The following SNAPC1 variants were observed in gnomAD, a reference collection of about 807,000 sequenced individuals.
The protein encoded by SNAPC1 is small nuclear RNA activating complex polypeptide 1, also known as snRNA-activating protein complex subunit 1.
In SNAPC1, 42 loss-of-function variants were observed where a neutral mutation model predicts 50.1. The observed-to-expected ratio is 0.84, with a 90% CI of 0.65 to 1.08. The LOEUF is 1.08. SNAPC1 is among the 50% of genes least tolerant of loss of function. SNAPC1 has a pLI of 0.00. For synonymous variants in SNAPC1, 164 were observed against 144.2 expected, an observed-to-expected ratio of 1.14 and a Z score of -0.98; for missense variants, 477 against 427.3, an observed-to-expected ratio of 1.12 and a Z score of -1.02.
intron 9 of SNAPC1, among the ~76,000 whole-genome samples, chr14:61,794,392 T>A (rs1416774840): frequency 6.6e-6 from 1 of 152,076 alleles, no homozygotes; most frequent in African/African-American, 2.4e-5. Flanking sequence ...TTTTTTGTTG[T>A]TATGTGTTTT....
chr14:61,775,394 T>C (rs1367518973), intron 4 of SNAPC1, among the ~76,000 whole-genome samples: 1 of 152,048 alleles, frequency 6.6e-6, no homozygotes, highest in African/African-American at 2.4e-5. Context: ...TAGCTGGGAT[T>C]ACAGGCGCCC....
chr14:61,768,192 G>A (rs1211549616), intron 3 of SNAPC1, among the ~76,000 whole-genome samples: 1 of 152,218 alleles, frequency 6.6e-6, no homozygotes, highest in Admixed American at 6.5e-5. Flanking sequence ...CACATATTAA[G>A]CGAACTGTTT....
chr14:61,776,173 C>T lies in SNAPC1; in HGVS notation c.613C>T (p.Leu205Phe). ...SVDKSKPDKALSLIKDDFFDN... is the reference protein window; with the variant it reads ...SVDKSKPDKAFSLIKDDFFDN... ...TGATAAGTCCAAGCCAGATAAAGCC[C>T]TCAGCTTGATAAAGGATGATTTTTT... Residue 205 changes from leucine (L) to phenylalanine (F), a missense_variant, in exon 5 of 10, where the codon CTC becomes TTC. Leu to Phe is a conservative substitution (Grantham distance 22). Transcript: ENST00000216294. 1 of 1,611,966 alleles carries T rather than the reference C, an allele frequency of 6.2e-7. No individual in the cohort carries two copies.
At chr14:61,777,905 G>C (rs2140180042) in intron 5 of SNAPC1, among the ~76,000 whole-genome samples, 167 bp from the exon 6 acceptor site, 1 of 152,274 alleles carries the variant, frequency 6.6e-6, no homozygotes, top group Middle Eastern at 3.4e-3. Flanking sequence ...AGAACATTTT[G>C]ATGTAATCTG....
rs1375041208 is a variant in SNAPC1 at position 61,796,296 on chromosome 14, G to T, written c.*1313G>T. 1 of 151,094 alleles carries T rather than the reference G, an allele frequency of 6.6e-6. No homozygotes were observed. The highest frequency in any genetic ancestry group is 1.5e-5 in the Non-Finnish European group (1 of 67,954). 9.4% of individuals were successfully genotyped at this position (151,094 alleles called of 1,614,324 possible). A position where few individuals can be genotyped will look rare whatever the true frequency, so the allele number is the denominator to read the frequency against. Reference sequence around the variant, plus strand: ...ATCGTGCCACTGCACTCCAGCCTGGGCAACAGAGTGAGACTTCGTCTCAAA... The same window carrying T: ...ATCGTGCCACTGCACTCCAGCCTGGTCAACAGAGTGAGACTTCGTCTCAAA... On this transcript the variant is annotated 3_prime_UTR_variant, in exon 10 of 10. Transcript: ENST00000216294.
intron 5 of SNAPC1, among the ~76,000 whole-genome samples, chr14:61,776,800 T>C (rs2045038082): frequency 6.6e-6 from 1 of 152,216 alleles, no homozygotes; most frequent in South Asian, 2.1e-4. Flanking sequence ...GTTTCTCTGT[T>C]TACACATTGT....
chr14:61,771,666 G>T (rs914782465), intron 4 of SNAPC1, among the ~76,000 whole-genome samples: 1 of 152,172 alleles, frequency 6.6e-6, no homozygotes, highest in Non-Finnish European at 1.5e-5. Context: ...TAAGGAGCTA[G>T]TTAGAGGGAA....
intron 8 of SNAPC1, 41 bp from the exon 9 acceptor site, chr14:61,792,766 T>C (rs1380345301): frequency 1.8e-6 from 2 of 1,114,546 alleles, no homozygotes; most frequent in Non-Finnish European, 1.3e-6. Context: ...GATTATAATA[T>C]TCTTTGCTTT....
chr14:61,790,481 G>T (rs545674042), intron 8 of SNAPC1, among the ~76,000 whole-genome samples: 13 of 152,198 alleles, frequency 8.5e-5, no homozygotes, highest in Admixed American at 7.2e-4. Flanking sequence ...GATTACAGGC[G>T]CTCGCCACCA....
At chr14:61,784,376 C>T (rs1306186024) in intron 8 of SNAPC1, among the ~76,000 whole-genome samples, 1 of 151,954 alleles carries the variant, frequency 6.6e-6, no homozygotes, top group Admixed American at 6.6e-5. Context: ...TGATTTACCA[C>T]ATCAATAGGT....
chr14:61,774,648 A>ATTTC (rs1172798543), intron 4 of SNAPC1, among the ~76,000 whole-genome samples: 5,355 of 90,828 alleles, frequency 0.059, 500 homozygotes, highest in Non-Finnish European at 0.086. Flanking sequence ...TCAGTTTCTC[A>ATTTC]TTTTTTTTTT....
chr14:61,767,788 G>A (rs1295947283), intron 3 of SNAPC1, among the ~76,000 whole-genome samples: 2 of 143,940 alleles, frequency 1.4e-5, no homozygotes, highest in Non-Finnish European at 3.0e-5. Context: ...TTGTGTGTGT[G>A]TGCCTTTTTG....
chr14:61,767,451 A>T, intron 3 of SNAPC1, 99 bp downstream of exon 3: 1 of 689,276 alleles, frequency 1.5e-6, no homozygotes, highest in Non-Finnish European at 2.1e-6. Flanking sequence ...AAGTATTGAT[A>T]GTGTTCAAGA....
At chr14:61,763,191 C>G (rs771802222) in intron 1 of SNAPC1, among the ~76,000 whole-genome samples, 24 of 150,972 alleles carry the variant, frequency 1.6e-4, no homozygotes, top group Admixed American at 1.1e-3. Flanking sequence ...CGGGGTTTTA[C>G]TATGTTGGCC....
intron 6 of SNAPC1, 83 bp from the exon 7 acceptor site, chr14:61,778,765 C>G: frequency 1.2e-6 from 1 of 832,800 alleles, no homozygotes; most frequent in South Asian, 1.5e-5. Context: ...AATCTTATTT[C>G]TGATAATAAA....
At position 61,778,870 on chromosome 14, in the gene SNAPC1, T is replaced by G; in HGVS notation, c.785T>G (p.Leu262Ter). The G allele has an allele frequency of 6.4e-7, 1 of 1,560,732 alleles. No homozygotes were observed. Among genetic ancestry groups the G allele is most frequent in the South Asian group, 1.2e-5 (1 of 81,714 alleles). ...ETERCERAES[L>*]AKIKSKAFSV... ...CAGAGATGTGAAAGGGCAGAATCAT[T>G]AGCGAAAATAAAATCAAAGGCCTTT... is the stretch of plus-strand genomic sequence containing the variant. The change falls in exon 7 of 10, where the codon TTA becomes TGA. Residue 262 changes from leucine (L) to a stop codon, truncating the protein, a stop_gained. Transcript: ENST00000216294. LOFTEE classifies it high-confidence loss of function.
At chr14:61,766,664 T>G (rs2044950563) in intron 1 of SNAPC1, among the ~76,000 whole-genome samples, 1 of 152,242 alleles carries the variant, frequency 6.6e-6, no homozygotes, top group South Asian at 2.1e-4. Flanking sequence ...ATTTGGCAAG[T>G]AAAGTTGATG....
chr14:61,763,101 C>G (rs1304965358), intron 1 of SNAPC1, among the ~76,000 whole-genome samples: 1 of 140,408 alleles, frequency 7.1e-6, no homozygotes, highest in East Asian at 2.3e-4. Flanking sequence ...AAGTGATTCT[C>G]TTGCCTCAAC....
Position 61,792,856 on chromosome 14 carries a change from G to A in SNAPC1, c.1026G>A (p.Met342Ile), listed in dbSNP as rs2045162654. ...AAGATAAACCTTTAAGTCTGAGTATGCCTGTAATTACAGAAGAAGAAGAGA... is the reference window on the plus strand; with the variant it reads ...AAGATAAACCTTTAAGTCTGAGTATACCTGTAATTACAGAAGAAGAAGAGA... ...HKEDKPLSLS[M>I]PVITEEEENE... The change falls in exon 9 of 10, where the codon ATG (methionine) becomes ATA (isoleucine). Residue 342 changes from methionine (M) to isoleucine (I), a missense_variant. Coordinates refer to ENST00000216294, the MANE Select transcript of SNAPC1 (RefSeq NM_003082.4). 2 of 1,606,350 alleles carry A rather than the reference G, an allele frequency of 1.2e-6. No individual in the cohort carries two copies. The highest frequency in any genetic ancestry group is 1.7e-6 in the Non-Finnish European group (2 of 1,175,482).
Sources: gnomAD v4.1 joint callset for allele counts (sites outside exome capture counted in the v4.1 genomes callset) on GRCh38, gnomAD v4.1.1 for gene constraint, MANE v1.5 for transcripts, NCBI Gene and HGNC (gene_info 2026-07-23, HGNC 2026-07-21) for gene names.